Variants in DAB1 observed in about 807,000 individuals in gnomAD.
The protein encoded by DAB1 is disabled homolog 1.
A neutral mutation model predicts 64.6 loss-of-function variants in DAB1; 15 were observed. That is an observed-to-expected ratio of 0.23 (90% confidence interval 0.16 to 0.36). The LOEUF (loss-of-function observed/expected upper bound fraction) is 0.36, where lower values mean the gene tolerates loss of function less well. Ranked by LOEUF, DAB1 falls within the 10% of genes least tolerant of loss-of-function variation. The pLI is 1.00. For missense variants in DAB1, 596 were observed against 706.7 expected, an observed-to-expected ratio of 0.84 and a Z score of 1.78; for synonymous variants, 235 against 251.9, an observed-to-expected ratio of 0.93 and a Z score of 0.64.
At chr1:58,202,237 C>T (rs1409736193) in intron 4 of DAB1, among the ~76,000 whole-genome samples, 1 of 152,234 alleles carries the variant, frequency 6.6e-6, no homozygotes, top group African/African-American at 2.4e-5. Context: ...TGCCTTCTGA[C>T]TTTAATTGAA....
chr1:57,058,133 A>C (rs1020592502), intron 9 of DAB1, among the ~76,000 whole-genome samples: 36 of 152,054 alleles, frequency 2.4e-4, no homozygotes, highest in African/African-American at 8.7e-4. Flanking sequence ...GTAGGAGGGG[A>C]GTGAATGCAG....
At chr1:57,535,301 T>G (rs1424594673) in intron 7 of DAB1, among the ~76,000 whole-genome samples, 2 of 152,164 alleles carry the variant, frequency 1.3e-5, no homozygotes, top group Non-Finnish European at 2.9e-5. Context: ...TGCCTAGCAT[T>G]GTATCTAGGA....
intron 4 of DAB1, among the ~76,000 whole-genome samples, chr1:58,337,265 G>A (rs1225331516): frequency 6.9e-6 from 1 of 145,658 alleles, no homozygotes; most frequent in African/African-American, 2.6e-5. Flanking sequence ...CTGGTTGACA[G>A]AGCGAGACTC....
chr1:58,105,243 G>T (rs1651563596), intron 5 of DAB1, among the ~76,000 whole-genome samples: 1 of 152,100 alleles, frequency 6.6e-6, no homozygotes, highest in African/African-American at 2.4e-5. Flanking sequence ...ATGCCTTCTG[G>T]GCTTAAGAAT....
chr1:57,206,504 T>TA (rs1665549203), intron 2 of DAB1, among the ~76,000 whole-genome samples: 1 of 152,212 alleles, frequency 6.6e-6, no homozygotes, highest in Non-Finnish European at 1.5e-5. Context: ...ATACATAAGT[T>TA]AAAATCTCAG....
At chr1:58,223,987 G>A (rs1201338259) in intron 4 of DAB1, among the ~76,000 whole-genome samples, 5 of 152,244 alleles carry the variant, frequency 3.3e-5, no homozygotes, top group African/African-American at 7.2e-5. Context: ...TGTCTCCTGC[G>A]TTCTCAAAGT....
At chr1:57,563,219 A>G (rs545974113) in intron 7 of DAB1, among the ~76,000 whole-genome samples, 1 of 152,236 alleles carries the variant, frequency 6.6e-6, no homozygotes, top group Non-Finnish European at 1.5e-5. Context: ...GCTGCAAAAC[A>G]AGGACTGAAA....
At chr1:57,517,840 A>C (rs1231783742) in intron 7 of DAB1, among the ~76,000 whole-genome samples, 1 of 152,070 alleles carries the variant, frequency 6.6e-6, no homozygotes, top group Non-Finnish European at 1.5e-5. Flanking sequence ...TTTCCTATAC[A>C]CCTCTTCCAG....
chr1:57,545,669 T>A (rs1480453120), intron 7 of DAB1, among the ~76,000 whole-genome samples: 2 of 152,194 alleles, frequency 1.3e-5, no homozygotes, highest in African/African-American at 4.8e-5. Flanking sequence ...GAAACTTTCT[T>A]CAAGCCTTCC....
chr1:58,461,406 G>C (rs1348546362), intron 3 of DAB1, among the ~76,000 whole-genome samples: 1 of 152,124 alleles, frequency 6.6e-6, no homozygotes, highest in African/African-American at 2.4e-5. Context: ...TTCTTTTGGA[G>C]CAATTAAAAG....
chr1:57,219,051 C>A (rs913820834), intron 2 of DAB1, among the ~76,000 whole-genome samples: 2 of 152,072 alleles, frequency 1.3e-5, no homozygotes, highest in Non-Finnish European at 2.9e-5. Flanking sequence ...CTTTTTCTAT[C>A]GCATGGATAG....
intron 7 of DAB1, among the ~76,000 whole-genome samples, chr1:57,560,953 C>T (rs2101504434): frequency 6.6e-6 from 1 of 152,220 alleles, no homozygotes; most frequent in African/African-American, 2.4e-5. Context: ...ACCTAAACAG[C>T]CTATCATGAA....
At chr1:58,307,205 G>A (rs1035344207) in intron 4 of DAB1, among the ~76,000 whole-genome samples, 2 of 152,172 alleles carry the variant, frequency 1.3e-5, no homozygotes, top group African/African-American at 4.8e-5. Flanking sequence ...CTCACCATAA[G>A]GCAATGTCTT....
rs149968228 is a variant in DAB1, at chr1:58,353,004, G to A, written n.258-9601C>T. Among the ~76,000 whole-genome samples, 482 of 152,024 alleles carry A rather than the reference G, an allele frequency of 3.2e-3. 3 individuals carry two copies. The highest frequency in any genetic ancestry group is 0.011 in the African/African-American group (453 of 41,488). On this transcript the variant is annotated intron_variant and non_coding_transcript_variant, in intron 3 of 20. Coordinates refer to the DAB1 transcript ENST00000485760. ...GTTGTTTATAAGCCACCTAGTTTAC[G>A]GTATTTTTGCTTAGCCCAAACGGAC... is the stretch of plus-strand genomic sequence containing the variant.
chr1:57,959,388 G>A (rs1226094591), intron 5 of DAB1, among the ~76,000 whole-genome samples: 1 of 152,122 alleles, frequency 6.6e-6, no homozygotes, highest in African/African-American at 2.4e-5. Flanking sequence ...GAAGTAGAGG[G>A]CTTCACATAA....
At chr1:57,571,350 T>A (rs1381334835) in intron 7 of DAB1, among the ~76,000 whole-genome samples, 2 of 152,204 alleles carry the variant, frequency 1.3e-5, no homozygotes, top group African/African-American at 4.8e-5. Flanking sequence ...GTGTTCTCCC[T>A]GCCTTTAGTG....
At chr1:58,195,140 GAGAC>G (rs1657603314) in intron 4 of DAB1, among the ~76,000 whole-genome samples, 1 of 82,198 alleles carries the variant, frequency 1.2e-5, no homozygotes, top group East Asian at 6.3e-4. Context: ...GAGAGAGAGA[GAGAC>G]AGAGAGACAG....
At chr1:58,456,108 C>A (rs1010108400) in intron 3 of DAB1, among the ~76,000 whole-genome samples, 1 of 152,250 alleles carries the variant, frequency 6.6e-6, no homozygotes, top group East Asian at 1.9e-4. Flanking sequence ...GCATTCAGTA[C>A]TACGCTCAAT....
intron 2 of DAB1, among the ~76,000 whole-genome samples, chr1:57,228,279 A>G (rs1482753122): frequency 6.6e-6 from 1 of 152,214 alleles, no homozygotes; most frequent in African/African-American, 2.4e-5. Flanking sequence ...ACACGTTAGA[A>G]TTTTGACCTG....
Sources: allele counts gnomAD v4.1 joint callset (sites outside exome capture counted in the v4.1 genomes callset), GRCh38; gene constraint gnomAD v4.1.1; transcripts MANE v1.5; gene names NCBI Gene and HGNC (gene_info 2026-07-23, HGNC 2026-07-21).